Variants in SMURF2 observed in about 807,000 individuals in gnomAD.
SMURF2 encodes SMAD specific E3 ubiquitin protein ligase 2.
A neutral mutation model predicts 109.6 loss-of-function variants in SMURF2; 48 were observed. The observed-to-expected ratio is 0.44, with a 90% CI of 0.35 to 0.56. The LOEUF is 0.56. Ranked by LOEUF, SMURF2 falls within the 20% of genes least tolerant of loss-of-function variation. The probability of loss-of-function intolerance (pLI) is 0.01; values close to 1 mark genes in which losing one functional copy is unlikely to be tolerated. For missense variants in SMURF2, 575 were observed against 909.0 expected, an observed-to-expected ratio of 0.63 and a Z score of 4.72; for synonymous variants, 288 against 317.1, an observed-to-expected ratio of 0.91 and a Z score of 0.97.
At chr17:64,657,427 C>T (rs1970719535) in intron 1 of SMURF2, among the ~76,000 whole-genome samples, 1 of 151,964 alleles carries the variant, frequency 6.6e-6, no homozygotes, top group Non-Finnish European at 1.5e-5. Flanking sequence ...CATGGTGGCT[C>T]ACACCTGTAA....
chr17:64,605,965 T>C (rs1969965370), intron 2 of SMURF2, among the ~76,000 whole-genome samples: 2 of 150,570 alleles, frequency 1.3e-5, no homozygotes, highest in Non-Finnish European at 3.0e-5. Flanking sequence ...TTTTAACCAA[T>C]AACTTAAAGC....
At chr17:64,597,359 G>A (rs1471075520) in intron 3 of SMURF2, among the ~76,000 whole-genome samples, 3 of 152,164 alleles carry the variant, frequency 2.0e-5, no homozygotes, top group Admixed American at 6.5e-5. Flanking sequence ...GCTACACTGA[G>A]CTATGATTAT....
In SMURF2 at chr17:64,584,384, G is replaced by C. The variant is rs1598282361; in HGVS notation, c.486-840C>G. On this transcript the variant is annotated intron_variant, in intron 6 of 18. Transcript: ENST00000262435. ...TTCTTTTTTTTTTTTTTTTGAGACAGAGTCTTGCTCCTTCGCCAGGCTGGA... is the reference window on the plus strand; with the variant it reads ...TTCTTTTTTTTTTTTTTTTGAGACACAGTCTTGCTCCTTCGCCAGGCTGGA... Among the ~76,000 whole-genome samples the C allele has an allele frequency of 2.8e-5, 3 of 107,146 alleles. No individual in the cohort carries two copies. In the South Asian group the frequency reaches 8.3e-4, roughly 30 times the overall value. The allele number at this position is 107,146 out of a possible 152,430, so 70.3% of individuals were successfully genotyped here. A position where few individuals can be genotyped will look rare whatever the true frequency, so the allele number is the denominator to read the frequency against.
intron 1 of SMURF2, among the ~76,000 whole-genome samples, chr17:64,627,358 C>T (rs967855425): frequency 6.6e-6 from 1 of 152,080 alleles, no homozygotes; most frequent in Non-Finnish European, 1.5e-5. Flanking sequence ...TCAAGTGATC[C>T]GCCCACCTCA....
chr17:64,568,113 C>T (rs1335435541), intron 10 of SMURF2, among the ~76,000 whole-genome samples: 6 of 152,132 alleles, frequency 3.9e-5, no homozygotes, highest in Non-Finnish European at 7.4e-5. Flanking sequence ...CTTGGCCTCC[C>T]AAAGTGGTGG....
Position 64,598,462 on chromosome 17 carries a change from C to G in SMURF2, c.120G>C (p.Val40=). 6.2e-7 allele frequency: 1 copy of G among 1,608,472 alleles called. No individual in the cohort carries two copies. Among genetic ancestry groups the G allele is most frequent in the Non-Finnish European group, 8.5e-7 (1 of 1,178,264 alleles). The part of the protein sequence containing the change: ...FRLPDPFAKV[V]VDGSGQCHST... ...AATGGCATTGCCCAGATCCATCAAC[C>G]ACCACCTTAGCAAATGGATCAGGAA... The change falls in exon 3 of 19, where the codon GTG becomes GTC. Residue 40 remains valine (V), a synonymous_variant. Coordinates refer to ENST00000262435, the MANE Select transcript of SMURF2 (RefSeq NM_022739.4).
At chr17:64,608,043 A>AAATAAATC (rs1401811277) in intron 1 of SMURF2, among the ~76,000 whole-genome samples, 57 of 148,926 alleles carry the variant, frequency 3.8e-4, no homozygotes, top group South Asian at 1.1e-3. Flanking sequence ...ATAAATAAAT[A>AAATAAATC]AATCTGCTTA....
intron 9 of SMURF2, among the ~76,000 whole-genome samples, chr17:64,576,873 C>CT (rs782057854): frequency 0.026 from 2,144 of 81,504 alleles, 436 homozygotes; most frequent in Non-Finnish European, 0.031. Flanking sequence ...TTTTTCTATC[C>CT]TTTTTTTTTT....
intron 2 of SMURF2, among the ~76,000 whole-genome samples, chr17:64,602,565 A>G (rs1555688672): frequency 6.6e-6 from 1 of 152,186 alleles, no homozygotes; most frequent in Non-Finnish European, 1.5e-5. Flanking sequence ...GTCAAAAACT[A>G]TCAGGTTTTC....
chr17:64,620,774 T>A (rs1190454787), intron 1 of SMURF2, among the ~76,000 whole-genome samples: 1 of 152,234 alleles, frequency 6.6e-6, no homozygotes, highest in Non-Finnish European at 1.5e-5. Context: ...AAACCTCTTC[T>A]ACAGTTTATT....
chr17:64,641,698 G>C (rs553841405), intron 1 of SMURF2, among the ~76,000 whole-genome samples: 13 of 152,286 alleles, frequency 8.5e-5, no homozygotes, highest in Admixed American at 3.9e-4. Flanking sequence ...CCTGAAGTGA[G>C]AGATATGCCC....
rs552172919 is a variant in SMURF2, at chr17:64,662,188, C to G, written c.-308G>C. Reference sequence around the variant, plus strand: ...TCGCGGCCGCCGAGGCCTTTCCCTCCTCTCGTCTCGGCGAGGCCCAGTAGC... The same window carrying G: ...TCGCGGCCGCCGAGGCCTTTCCCTCGTCTCGTCTCGGCGAGGCCCAGTAGC... On this transcript the variant is annotated 5_prime_UTR_variant, in exon 1 of 19. Transcript: ENST00000262435. 1 of 1,035,874 alleles carries G rather than the reference C, an allele frequency of 9.7e-7. No individual in the cohort carries two copies. Among genetic ancestry groups the G allele is most frequent in the Non-Finnish European group, 1.2e-6 (1 of 863,522 alleles). 64.2% of individuals were successfully genotyped at this position (1,035,874 alleles called of 1,614,324 possible). A position where few individuals can be genotyped will look rare whatever the true frequency, so the allele number is the denominator to read the frequency against.
intron 5 of SMURF2, among the ~76,000 whole-genome samples, chr17:64,589,029 A>G (rs1403512922): frequency 6.6e-6 from 1 of 152,172 alleles, no homozygotes; most frequent in Non-Finnish European, 1.5e-5. Context: ...TTCTGAACGA[A>G]CTGGAACTCA....
At chr17:64,645,419 G>T (rs1009910807) in intron 1 of SMURF2, among the ~76,000 whole-genome samples, 7 of 152,162 alleles carry the variant, frequency 4.6e-5, no homozygotes, top group African/African-American at 1.7e-4. Context: ...CAGGTACAGT[G>T]GTGTACAGCT....
At chr17:64,591,554 T>G (rs545562722) in intron 4 of SMURF2, among the ~76,000 whole-genome samples, 25 of 152,300 alleles carry the variant, frequency 1.6e-4, no homozygotes, top group African/African-American at 6.0e-4. Context: ...TCAAATGACA[T>G]GGACCCAAAA....
Position 64,598,444 on chromosome 17 carries a change from T to C in SMURF2, c.138A>G (p.Gln46=), listed in dbSNP as rs781877091. 2.0e-5 allele frequency: 33 copies of C among 1,610,430 alleles called. No individual in the cohort carries two copies. Among genetic ancestry groups the C allele is most frequent in the Non-Finnish European group, 2.5e-5 (30 of 1,179,234 alleles). Residue 46 remains glutamine (Q), a synonymous_variant, in exon 3 of 19, where the codon CAA becomes CAG. Coordinates refer to ENST00000262435, the MANE Select transcript of SMURF2 (RefSeq NM_022739.4). ...TCTTCACAGTATCTGTAGAATGGCA[T>C]TGCCCAGATCCATCAACCACCACCT... is the stretch of plus-strand genomic sequence containing the variant. The part of the protein sequence containing the change: ...FAKVVVDGSG[Q]CHSTDTVKNT...
intron 1 of SMURF2, among the ~76,000 whole-genome samples, chr17:64,617,839 AT>A (rs1350449817): frequency 1.3e-5 from 2 of 152,124 alleles, no homozygotes; most frequent in Admixed American, 6.5e-5. Flanking sequence ...CTACTTAAAA[AT>A]TTTTTTTCAA....
chr17:64,545,540 T>G lies in SMURF2; in HGVS notation c.*308A>C. 5.2e-6 allele frequency: 1 copy of G among 193,632 alleles called. No individual in the cohort carries two copies. Among genetic ancestry groups the G allele is most frequent in the Non-Finnish European group, 1.1e-5 (1 of 94,172 alleles). The allele number at this position is 193,632 out of a possible 1,614,324, so 12.0% of individuals were successfully genotyped here. On this transcript the variant is annotated 3_prime_UTR_variant, in exon 19 of 19. Transcript: ENST00000262435. ...CCTTTTATAAAAATAGTAGTAGTCT[T>G]TAAGTGTAGAATACTGCCTAACTCT...
rs542524504 is a variant in SMURF2 at position 64,650,721 on chromosome 17, T to G, written c.52+11108A>C. On this transcript the variant is annotated intron_variant, in intron 1 of 18. Coordinates refer to ENST00000262435, the MANE Select transcript of SMURF2 (RefSeq NM_022739.4). ...GGCAGGCACCTGTAATCCCAGCTAC[T>G]GGGGAGGCTGAGGCAGGAGAATTGC... 5.3e-5 allele frequency among the ~76,000 whole-genome samples: 8 copies of G among 152,094 alleles called. 1 individual carries two copies. In the South Asian group the frequency reaches 1.7e-3, roughly 32 times the overall value.
Sources: gnomAD v4.1 joint callset for allele counts (sites outside exome capture counted in the v4.1 genomes callset) on GRCh38, gnomAD v4.1.1 for gene constraint, MANE v1.5 for transcripts, NCBI Gene and HGNC (gene_info 2026-07-23, HGNC 2026-07-21) for gene names.